CHL1: variants seen among roughly 807,000 people sequenced by gnomAD.
CHL1 encodes cell adhesion molecule L1 like.
CHL1 carries 96 observed loss-of-function variants against 141.9 expected under a neutral mutation model. The ratio of observed to expected loss-of-function variants is 0.68; its 90% CI spans 0.57 to 0.80. The LOEUF (loss-of-function observed/expected upper bound fraction) is 0.80, where lower values mean the gene tolerates loss of function less well. Ranked by LOEUF, CHL1 falls within the 30% of genes least tolerant of loss-of-function variation. The pLI, the probability that CHL1 is intolerant of heterozygous loss-of-function variation, is 0.00. For missense variants in CHL1, 1,820 were observed against 1,457.2 expected (o/e 1.25, Z -4.05); for synonymous variants, 613 against 502.2 (o/e 1.22, Z -2.95).
chr3:373,099 G>C (rs1445151637), intron 15 of CHL1, among the ~76,000 whole-genome samples: 2 of 152,220 alleles, frequency 1.3e-5, no homozygotes, highest in Admixed American at 6.5e-5. Context: ...ACGGGGAATA[G>C]GACCCATCTA....
At chr3:266,677 A>G (rs1695186102) in intron 2 of CHL1, among the ~76,000 whole-genome samples, 1 of 152,202 alleles carries the variant, frequency 6.6e-6, no homozygotes, top group Non-Finnish European at 1.5e-5. Context: ...CTTGCATTTC[A>G]TTTTGAGCAA....
At chr3:242,429 T>C (rs908054501) in intron 1 of CHL1, among the ~76,000 whole-genome samples, 4 of 134,066 alleles carry the variant, frequency 3.0e-5, no homozygotes, top group Non-Finnish European at 4.8e-5. Context: ...ACCCCGTCTC[T>C]ACTAAAAATA....
intron 1 of CHL1, among the ~76,000 whole-genome samples, chr3:213,989 G>C (rs143465201): frequency 1.3e-5 from 2 of 152,262 alleles, no homozygotes; most frequent in East Asian, 3.9e-4. Flanking sequence ...AGTCAGGTTA[G>C]AGAAAGCCAA....
chr3:223,537 T>C (rs541667239), intron 1 of CHL1, among the ~76,000 whole-genome samples: 2 of 152,310 alleles, frequency 1.3e-5, no homozygotes, highest in African/African-American at 2.4e-5. Context: ...TTTTGGCATA[T>C]AGACTTGCTA....
At chr3:240,829 G>C (rs3872652) in intron 1 of CHL1, among the ~76,000 whole-genome samples, 77,158 of 151,992 alleles carry the variant, frequency 0.51, 21,244 homozygotes, top group Non-Finnish European at 0.62. Flanking sequence ...GCGAATTATC[G>C]CAGCATCATT....
intron 24 of CHL1, among the ~76,000 whole-genome samples, chr3:395,840 A>G (rs1182814565): frequency 6.6e-6 from 1 of 152,224 alleles, no homozygotes; most frequent in Non-Finnish European, 1.5e-5. Context: ...GGTAGAATCA[A>G]TGAAAGAAAC....
Position 231,237 on chromosome 3 carries a change from T to C in CHL1, c.-174-13376T>C, listed in dbSNP as rs143634647. Among the ~76,000 whole-genome samples, 123 of 152,274 alleles carry C rather than the reference T, an allele frequency of 8.1e-4. 1 individual carries two copies. Among genetic ancestry groups the C allele is most frequent in the African/African-American group, 2.8e-3 (118 of 41,548 alleles). ...TATGAACACTTTTCCACAATACTTA[T>C]AAAAAATAAAAATAATTACCTTGGT... On this transcript the variant is annotated intron_variant, in intron 1 of 27. Coordinates refer to ENST00000256509, the MANE Select transcript of CHL1 (RefSeq NM_006614.4).
chr3:240,661 C>A (rs759781957), intron 1 of CHL1, among the ~76,000 whole-genome samples: 1 of 152,116 alleles, frequency 6.6e-6, no homozygotes, highest in African/African-American at 2.4e-5. Context: ...GGTCTTGAAG[C>A]CTTTGCCTAA....
intron 1 of CHL1, among the ~76,000 whole-genome samples, chr3:222,315 C>T (rs905062720): frequency 1.3e-5 from 2 of 152,048 alleles, no homozygotes; most frequent in Admixed American, 6.6e-5. Flanking sequence ...CTCTAGCTCA[C>T]GGTCCTGTTG....
chr3:388,602 C>A (rs1053732341), intron 19 of CHL1, among the ~76,000 whole-genome samples: 1 of 150,986 alleles, frequency 6.6e-6, no homozygotes, highest in Admixed American at 6.6e-5. Context: ...CCAAATATTT[C>A]TATGGAGAAA....
At chr3:366,495 G>A (rs1039110931) in intron 15 of CHL1, among the ~76,000 whole-genome samples, 3 of 151,296 alleles carry the variant, frequency 2.0e-5, no homozygotes, top group African/African-American at 7.3e-5. Context: ...AGTTCTTAAA[G>A]CATTCATACA....
chr3:391,553 A>C, intron 22 of CHL1, 122 bp from the exon 23 acceptor site: 1 of 665,510 alleles, frequency 1.5e-6, no homozygotes, highest in Non-Finnish European at 2.6e-6. Flanking sequence ...CCTTATTAGT[A>C]GTTAATTAAT....
intron 2 of CHL1, among the ~76,000 whole-genome samples, chr3:255,951 G>A (rs1302886616): frequency 6.6e-6 from 1 of 152,124 alleles, no homozygotes; most frequent in African/African-American, 2.4e-5. Flanking sequence ...GTGGATTGAG[G>A]ATATTTCTTA....
In CHL1 at chr3:394,751, G is replaced by A. The variant is rs1018731676; in HGVS notation, c.2973G>A (p.Lys991=). ...ATATTAACATTACAACTCCATCAAA[G>A]CCCAGCTGGCACCTCTCAAACCTGA... ...LNDINITTPS[K]PSWHLSNLNA... Residue 991 remains lysine (K), a synonymous_variant, in exon 24 of 28, where the codon AAG becomes AAA. Coordinates refer to ENST00000256509, the MANE Select transcript of CHL1 (RefSeq NM_006614.4). The A allele has an allele frequency of 6.2e-7, 1 of 1,613,606 alleles. No homozygotes were observed. The highest frequency in any genetic ancestry group is 1.7e-5 in the Admixed American group (1 of 59,954).
chr3:382,231 T>A lies in CHL1; in HGVS notation c.1929T>A (p.Ser643Arg), dbSNP rs753832674. ...NLHLSERQNR[S>R]VRLTWEAGAD... The stretch of plus-strand genomic sequence containing the variant: ...ACTTGTCTGAAAGACAGAACAGGAG[T>A]GTTCGGCTGACCTGGGAAGCTGGAG... Residue 643 changes from serine (S) to arginine (R), a missense_variant, in exon 17 of 28, where the codon AGT becomes AGA. Transcript: ENST00000256509. The A allele has an allele frequency of 6.2e-7, 1 of 1,613,668 alleles. No homozygotes were observed. Among genetic ancestry groups the A allele is most frequent in the East Asian group, 2.2e-5 (1 of 44,870 alleles).
At chr3:316,686 T>C (rs1700175892) in intron 2 of CHL1, among the ~76,000 whole-genome samples, 1 of 151,964 alleles carries the variant, frequency 6.6e-6, no homozygotes, top group Non-Finnish European at 1.5e-5. Context: ...ATGCTTCAGG[T>C]GATGGATACC....
intron 19 of CHL1, among the ~76,000 whole-genome samples, 180 bp from the exon 20 acceptor site, chr3:389,072 A>T (rs542562735): frequency 1.5e-4 from 23 of 152,362 alleles, no homozygotes; most frequent in African/African-American, 3.4e-4. Context: ...TTTCATACTT[A>T]AGCTCATATG....
intron 3 of CHL1, among the ~76,000 whole-genome samples, chr3:324,790 A>G (rs893329084): frequency 6.6e-6 from 1 of 151,786 alleles, no homozygotes; most frequent in South Asian, 2.1e-4. Context: ...GAGTCTCCCT[A>G]TGTTACCCAG....
chr3:255,799 A>G (rs532293605), intron 2 of CHL1, among the ~76,000 whole-genome samples: 157 of 152,290 alleles, frequency 1.0e-3, no homozygotes, highest in African/African-American at 4.8e-5. Flanking sequence ...CCCTGGACAG[A>G]TACTCTAACT....
Sources: gnomAD v4.1 joint callset for allele counts (sites outside exome capture counted in the v4.1 genomes callset) on GRCh38, gnomAD v4.1.1 for gene constraint, MANE v1.5 for transcripts, NCBI Gene and HGNC (gene_info 2026-07-23, HGNC 2026-07-21) for gene names.